Variants in TAF2 observed in about 807,000 individuals in gnomAD.
The protein encoded by TAF2 is transcription initiation factor TFIID subunit 2.
TAF2 carries 61 observed loss-of-function variants against 138.5 expected under a neutral mutation model. That is an observed-to-expected ratio of 0.44 (90% CI 0.36 to 0.54). The LOEUF (loss-of-function observed/expected upper bound fraction) is 0.54. TAF2 is among the 20% of genes least tolerant of loss of function. The pLI, the probability that TAF2 is intolerant of heterozygous loss-of-function variation, is 0.00. For synonymous variants in TAF2, 475 were observed against 469.9 expected (o/e 1.01, Z -0.14); for missense variants, 1,090 against 1,427.9 (o/e 0.76, Z 3.81).
chr8:119,816,863 C>A (rs1825511555), intron 3 of TAF2, among the ~76,000 whole-genome samples: 2 of 152,202 alleles, frequency 1.3e-5, no homozygotes, highest in South Asian at 4.1e-4. Flanking sequence ...TATCCACCAT[C>A]CTATACTTGT....
At chr8:119,803,714 T>A (rs946102067) in intron 5 of TAF2, among the ~76,000 whole-genome samples, 164 bp downstream of exon 5, 8 of 149,456 alleles carry the variant, frequency 5.4e-5, no homozygotes, top group South Asian at 2.1e-4. Context: ...GAAAAAAAAA[T>A]TTTTTTTTAA....
At chr8:119,770,391 A>T (rs571340157) in intron 18 of TAF2, among the ~76,000 whole-genome samples, 82 of 152,164 alleles carry the variant, frequency 5.4e-4, no homozygotes, top group Non-Finnish European at 9.9e-4. Flanking sequence ...AAATCCCATC[A>T]GACTTCTCAG....
chr8:119,832,076 T>C (rs967540849), intron 1 of TAF2, among the ~76,000 whole-genome samples: 1 of 152,122 alleles, frequency 6.6e-6, no homozygotes, highest in Non-Finnish European at 1.5e-5. Context: ...GGAGAAAAGC[T>C]TGAACCCGGC....
rs985231828 is a variant in TAF2 at position 119,806,055 on chromosome 8, C to T, written c.418+228G>A. On this transcript the variant is annotated intron_variant, in intron 4 of 25. Transcript: ENST00000378164. ...GAGTAGCTGGGATTACATGCGCCCA[C>T]CAAGCCTGGATAATTTTTGTATTTT... 2.0e-5 allele frequency among the ~76,000 whole-genome samples: 3 copies of T among 151,998 alleles called. No homozygotes were observed. In the South Asian group the frequency reaches 6.2e-4, roughly 32 times the overall value.
chr8:119,815,228 T>A (rs555000706), intron 3 of TAF2, among the ~76,000 whole-genome samples: 1 of 149,952 alleles, frequency 6.7e-6, no homozygotes, highest in East Asian at 2.0e-4. Context: ...GTTGCAGTGA[T>A]CAGAGATTGC....
Position 119,787,168 on chromosome 8 carries a change from G to A in TAF2, c.1793+1170C>T, listed in dbSNP as rs544629356. ...CAATCTATCCAACTGACAAAGGGCT[G>A]ATATCCAGAATCTACAAGGAACTTA... is the stretch of plus-strand genomic sequence containing the variant. On this transcript the variant is annotated intron_variant, in intron 14 of 25. Coordinates refer to ENST00000378164, the MANE Select transcript of TAF2 (RefSeq NM_003184.4). Among the ~76,000 whole-genome samples, 3 of 152,172 alleles carry A rather than the reference G, an allele frequency of 2.0e-5. No homozygotes were observed. In the South Asian group the frequency reaches 6.2e-4, roughly 32 times the overall value.
In TAF2 at chr8:119,756,013, C is replaced by T. The variant is rs754337574; in HGVS notation, c.2871G>A (p.Met957Ile). The T allele has an allele frequency of 6.2e-7, 1 of 1,609,412 alleles. No homozygotes were observed. The highest frequency in any genetic ancestry group is 1.1e-5 in the South Asian group (1 of 90,964). ...EALVDQLWKLMNSGTSHDWRL... is the reference protein window; with the variant it reads ...EALVDQLWKLINSGTSHDWRL... The stretch of plus-strand genomic sequence containing the variant: ...AAATCCCTGCTCTCTCACCAGAATT[C>T]ATAAGTTTCCAAAGTTGATCTACCA... The change falls in exon 22 of 26, where the codon ATG (methionine) becomes ATA (isoleucine). Residue 957 changes from methionine (M) to isoleucine (I), a missense_variant. Physicochemically the swap from Met to Ile is conservative, Grantham distance 10 (BLOSUM62 1). Around this residue, in one of 3 missense-constraint regions of TAF2, gnomAD observed 580 missense variants for 719.6 expected, o/e 0.81. Transcript: ENST00000378164.
In TAF2 at chr8:119,746,784, A is replaced by AT; in HGVS notation, c.3028dup (p.Ile1010AsnfsTer14). The AT allele has an allele frequency of 6.2e-7, 1 of 1,614,172 alleles. No individual in the cohort carries two copies. Among genetic ancestry groups the AT allele is most frequent in the South Asian group, 1.1e-5 (1 of 91,088 alleles). ...TTGGTTGCCTGCTACTGACTCTGGA[A>AT]TTATGGTAGGATTCAAGACAGCTTT... On this transcript the variant is annotated frameshift_variant, in exon 23 of 26. Coordinates refer to ENST00000378164, the MANE Select transcript of TAF2 (RefSeq NM_003184.4). LOFTEE classifies it high-confidence loss of function.
chr8:119,829,361 C>T (rs1363575361), intron 2 of TAF2, among the ~76,000 whole-genome samples: 1 of 152,152 alleles, frequency 6.6e-6, no homozygotes, highest in Non-Finnish European at 1.5e-5. Flanking sequence ...GTGACCCATT[C>T]CATGGCTACA....
Position 119,756,206 on chromosome 8 carries a change from T to C in TAF2, c.2769-91A>G, listed in dbSNP as rs573827121. On this transcript the variant is annotated intron_variant, in intron 21 of 25. Transcript: ENST00000378164. ...AACATAAACACTGAAAAATTATCTG[T>C]AGTTCCTCCTTCCTATTTTAACACT... 59 of 823,864 alleles carry C rather than the reference T, an allele frequency of 7.2e-5. No homozygotes were observed. The African/African-American group carries it at 8.5e-4, about 12-fold the overall frequency. 51.0% of individuals were successfully genotyped at this position (823,864 alleles called of 1,614,324 possible).
intron 16 of TAF2, among the ~76,000 whole-genome samples, chr8:119,782,940 C>T (rs957030136): frequency 1.3e-4 from 20 of 151,832 alleles, no homozygotes; most frequent in East Asian, 1.9e-4. Flanking sequence ...CTCAAGGGTT[C>T]GAGACCAGCC....
At position 119,793,466 on chromosome 8, in the gene TAF2, A is replaced by G. The variant is rs1823588164; in HGVS notation, c.1192-15T>C. On this transcript the variant is annotated splice_polypyrimidine_tract_variant and intron_variant, in intron 9 of 25. Transcript: ENST00000378164. ...TTGTCTAGCTCCTAAAAAATATATA[A>G]AAATAGGAGTCAGTAAAATTTGTAA... The G allele has an allele frequency of 6.3e-7, 1 of 1,592,204 alleles. No homozygotes were observed. Among genetic ancestry groups the G allele is most frequent in the South Asian group, 1.1e-5 (1 of 89,368 alleles).
chr8:119,775,508 G>C (rs370238161), intron 18 of TAF2, among the ~76,000 whole-genome samples: 2 of 151,634 alleles, frequency 1.3e-5, no homozygotes, highest in African/African-American at 4.8e-5. Flanking sequence ...TTCGAGACCA[G>C]CCTGGCCAAC....
At chr8:119,824,092 G>A (rs991494525) in intron 2 of TAF2, among the ~76,000 whole-genome samples, 4 of 152,142 alleles carry the variant, frequency 2.6e-5, no homozygotes, top group African/African-American at 9.7e-5. Flanking sequence ...TATAATGAAA[G>A]TAGAGCATAA....
rs757407470 is a variant in TAF2, at chr8:119,760,754, C to T, written c.2559-16G>A. 17 of 1,613,426 alleles carry T rather than the reference C, an allele frequency of 1.1e-5. No individual in the cohort carries two copies. In the African/African-American group the frequency reaches 1.1e-4, roughly 10 times the overall value. On this transcript the variant is annotated splice_polypyrimidine_tract_variant and intron_variant, in intron 19 of 25. Coordinates refer to ENST00000378164, the MANE Select transcript of TAF2 (RefSeq NM_003184.4). ...TCTCAAACAACTAGGGAAAAAAATA[C>T]GTATGTTAACTACTTTCACTGAGGT...
intron 25 of TAF2, among the ~76,000 whole-genome samples, chr8:119,735,991 C>T (rs1819200600): frequency 6.6e-6 from 1 of 152,134 alleles, no homozygotes; most frequent in African/African-American, 2.4e-5. Context: ...CTCTTGGGAG[C>T]TTGAGGTTCT....
At chr8:119,767,802 C>T (rs764592422) in intron 18 of TAF2, among the ~76,000 whole-genome samples, 3 of 152,194 alleles carry the variant, frequency 2.0e-5, no homozygotes, top group Non-Finnish European at 2.9e-5. Context: ...ACAGTGCAGC[C>T]GCCCTGCCAC....
chr8:119,826,841 C>T (rs1343835139), intron 2 of TAF2, among the ~76,000 whole-genome samples: 1 of 152,170 alleles, frequency 6.6e-6, no homozygotes, highest in Non-Finnish European at 1.5e-5. Flanking sequence ...CAGCCTCGGC[C>T]TCCCAAAGTG....
At chr8:119,782,511 A>C (rs917043284) in intron 16 of TAF2, among the ~76,000 whole-genome samples, 7 of 152,228 alleles carry the variant, frequency 4.6e-5, no homozygotes, top group Non-Finnish European at 7.3e-5. Flanking sequence ...TATTATCATT[A>C]AAAATAAATC....
Sources: gnomAD v4.1 joint callset for allele counts (sites outside exome capture counted in the v4.1 genomes callset) on GRCh38, gnomAD v4.1.1 for gene constraint, gnomAD v4.1.1 regional missense constraint, MANE v1.5 for transcripts, NCBI Gene and HGNC (gene_info 2026-07-23, HGNC 2026-07-21) for gene names.